Variants in NACC2 observed in about 807,000 individuals in gnomAD.
The protein encoded by NACC2 is nucleus accumbens-associated protein 2.
A neutral mutation model predicts 25.1 loss-of-function variants in NACC2; 8 were observed. The ratio of observed to expected loss-of-function variants is 0.32; its 90% CI spans 0.19 to 0.57. NACC2 has a LOEUF of 0.57. Ranked by LOEUF, NACC2 falls within the 20% of genes least tolerant of loss-of-function variation. The pLI, the probability that NACC2 is intolerant of heterozygous loss-of-function variation, is 0.89. For missense variants in NACC2, 644 were observed against 650.2 expected, an observed-to-expected ratio of 0.99 and a Z score of 0.10; for synonymous variants, 435 against 294.7, an observed-to-expected ratio of 1.48 and a Z score of -4.88.
Position 136,020,665 on chromosome 9 carries a change from G to A in NACC2, c.887-4236C>T, listed in dbSNP as rs533426786. Among the ~76,000 whole-genome samples the A allele has an allele frequency of 4.9e-4, 75 of 152,286 alleles. 1 individual carries two copies. The highest frequency in any genetic ancestry group is 2.3e-3 in the East Asian group (12 of 5,194). ...AGAAATATACAACTTAAATGCAAATGGACAGAACAGTGCTGAATCAACTGA... is the reference window on the plus strand; with the variant it reads ...AGAAATATACAACTTAAATGCAAATAGACAGAACAGTGCTGAATCAACTGA... On this transcript the variant is annotated intron_variant, in intron 2 of 5. Transcript: ENST00000277554. The surrounding 1 kb of genome is among the most constrained non-coding windows in gnomAD (Gnocchi z 4.7).
chr9:136,024,961 C>T (rs1840366182), intron 2 of NACC2, among the ~76,000 whole-genome samples: 1 of 152,200 alleles, frequency 6.6e-6, no homozygotes, highest in African/African-American at 2.4e-5. Flanking sequence ...CGGAACTGTC[C>T]CTTGGATATC....
chr9:136,087,454 G>A (rs1227701852), intron 1 of NACC2, among the ~76,000 whole-genome samples: 1 of 152,220 alleles, frequency 6.6e-6, no homozygotes, highest in African/African-American at 2.4e-5. Flanking sequence ...CTCCCACGGG[G>A]ACCCCCAGAG....
chr9:136,057,941 C>T (rs1466144751), intron 1 of NACC2, among the ~76,000 whole-genome samples: 2 of 152,150 alleles, frequency 1.3e-5, no homozygotes, highest in South Asian at 2.1e-4. Context: ...ACGGCGACTT[C>T]GCGGCACACT....
At chr9:136,056,517 G>A (rs1445571055) in intron 1 of NACC2, among the ~76,000 whole-genome samples, 1 of 152,214 alleles carries the variant, frequency 6.6e-6, no homozygotes, top group Non-Finnish European at 1.5e-5. Flanking sequence ...GAGCCAGAGA[G>A]GATGCCTGGC....
At chr9:136,094,607 C>A (rs572970575) in intron 1 of NACC2, among the ~76,000 whole-genome samples, 31 of 152,266 alleles carry the variant, frequency 2.0e-4, no homozygotes, top group African/African-American at 5.5e-4. Flanking sequence ...ACCCCAGTTT[C>A]TCCCCAGGCT....
chr9:136,049,611 G>A, intron 2 of NACC2, 25 bp downstream of exon 2: 1 of 764,732 alleles, frequency 1.3e-6, no homozygotes, highest in Non-Finnish European at 2.4e-6. Flanking sequence ...GCCAGGTGGT[G>A]TGGGGCTCCA....
At chr9:136,074,007 A>G (rs111923676) in intron 1 of NACC2, among the ~76,000 whole-genome samples, 2 of 152,100 alleles carry the variant, frequency 1.3e-5, no homozygotes, top group African/African-American at 4.8e-5. Context: ...CTATTTTTTT[A>G]AAAAAATTAA....
rs995071711 is a variant in NACC2 at position 136,043,857 on chromosome 9, C to T, written c.886+5779G>A. Among the ~76,000 whole-genome samples, 8 of 152,278 alleles carry T rather than the reference C, an allele frequency of 5.3e-5. No homozygotes were observed. The East Asian group carries it at 1.2e-3, about 22-fold the overall frequency. On this transcript the variant is annotated intron_variant, in intron 2 of 5. Transcript: ENST00000277554. Reference sequence around the variant, plus strand: ...TGTTTTTTGGTTGGGGACAGGGTCTCGCTCTGTCACCAGGCTGGAGTGCAG... The same window carrying T: ...TGTTTTTTGGTTGGGGACAGGGTCTTGCTCTGTCACCAGGCTGGAGTGCAG...
intron 3 of NACC2, 68 bp from the exon 4 acceptor site, chr9:136,014,037 A>G: frequency 2.6e-6 from 1 of 382,924 alleles, no homozygotes. Flanking sequence ...AGGCGCACAG[A>G]TGGGTGAGGG....
intron 2 of NACC2, among the ~76,000 whole-genome samples, chr9:136,042,755 GACAC>G (rs533292055): frequency 1.4e-5 from 2 of 142,922 alleles, no homozygotes; most frequent in African/African-American, 2.6e-5. Context: ...CAGAGACAGA[GACAC>G]ACACACAGAG....
chr9:136,073,216 C>T (rs562470497), intron 1 of NACC2, among the ~76,000 whole-genome samples: 1 of 152,056 alleles, frequency 6.6e-6, no homozygotes, highest in South Asian at 2.1e-4. Flanking sequence ...TCACTTGAGC[C>T]CAAGAGTCCA....
Position 136,013,884 on chromosome 9 carries a change from G to C in NACC2, c.1137C>G (p.Leu379=), listed in dbSNP as rs768665680. The part of the protein sequence containing the change: ...GVKHKVLLRR[L]LATFFDRNTL... ...CCTACCTGTCAAAGAAGGTGGCCAG[G>C]AGCCTCCGCAGCAAGACCTTATGCT... The change falls in exon 4 of 6, where the codon CTC becomes CTG. Residue 379 remains leucine, a synonymous_variant. Transcript: ENST00000277554. The surrounding 1 kb of genome is among the most constrained non-coding windows in gnomAD (Gnocchi z 6.6). The C allele has an allele frequency of 1.9e-6, 3 of 1,612,850 alleles. No individual in the cohort carries two copies. The highest frequency in any genetic ancestry group is 2.2e-5 in the South Asian group (2 of 91,072).
At chr9:136,058,594 G>A (rs1259869677) in intron 1 of NACC2, among the ~76,000 whole-genome samples, 1 of 152,200 alleles carries the variant, frequency 6.6e-6, no homozygotes, top group Non-Finnish European at 1.5e-5. Context: ...ATGAGGGAGG[G>A]AAGAGGGCAA....
chr9:136,085,172 T>A, intron 1 of NACC2, among the ~76,000 whole-genome samples: 1 of 92,668 alleles, frequency 1.1e-5, no homozygotes, highest in Admixed American at 1.4e-4. Context: ...TTGGCGAGAC[T>A]GAGTTTCGCT....
In NACC2 at chr9:136,020,403, A is replaced by G. The variant is rs1160339601; in HGVS notation, c.887-3974T>C. Among the ~76,000 whole-genome samples the G allele has an allele frequency of 6.6e-6, 1 of 151,966 alleles. No individual in the cohort carries two copies. The highest frequency in any genetic ancestry group is 1.5e-5 in the Non-Finnish European group (1 of 67,986). ...ATGGCGAGCCCTGTTCCTGTCCCCA[A>G]GGCAGAGTGTGTCATCGGGGACTCG... On this transcript the variant is annotated intron_variant, in intron 2 of 5. Coordinates refer to ENST00000277554, the MANE Select transcript of NACC2 (RefSeq NM_144653.5). This position sits in a 1 kb window ranked among gnomAD's most constrained non-coding sequence, Gnocchi z 4.7.
intron 1 of NACC2, among the ~76,000 whole-genome samples, chr9:136,067,032 C>T (rs1047839401): frequency 3.3e-5 from 5 of 151,566 alleles, no homozygotes; most frequent in South Asian, 2.1e-4. Flanking sequence ...AGGCGGATCA[C>T]CTGAGGTCGG....
chr9:136,037,416 A>G (rs1171024826), intron 2 of NACC2, among the ~76,000 whole-genome samples: 1 of 151,886 alleles, frequency 6.6e-6, no homozygotes, highest in Non-Finnish European at 1.5e-5. Context: ...TGGCCATACC[A>G]CAGTTTGCAT....
At chr9:136,052,046 G>A (rs1312418519) in intron 1 of NACC2, among the ~76,000 whole-genome samples, 3 of 152,236 alleles carry the variant, frequency 2.0e-5, no homozygotes, top group African/African-American at 7.2e-5. Flanking sequence ...GCAGACGAAC[G>A]TTCCGGCGGC....
intron 1 of NACC2, among the ~76,000 whole-genome samples, chr9:136,051,825 T>G (rs1316325653): frequency 6.7e-6 from 1 of 149,772 alleles, no homozygotes; most frequent in Non-Finnish European, 1.5e-5. Flanking sequence ...GCTCCGCGAA[T>G]GCAGCAAACG....
Sources: gnomAD v4.1 joint callset for allele counts (sites outside exome capture counted in the v4.1 genomes callset) on GRCh38, gnomAD v4.1.1 for gene constraint, Gnocchi (gnomAD v3.1) non-coding constraint, MANE v1.5 for transcripts, NCBI Gene and HGNC (gene_info 2026-07-23, HGNC 2026-07-21) for gene names.